The following CD302 variants were observed in gnomAD, a reference collection of about 807,000 sequenced individuals.
CD302 encodes the protein CD302 antigen.
Under a neutral mutation model 26.5 loss-of-function variants are expected in CD302, and 23 were observed. That is an observed-to-expected ratio of 0.87 (90% CI 0.62 to 1.23). The LOEUF is 1.23. Among genes scored for constraint, CD302 ranks in the 50% most tolerant of loss-of-function variants. CD302 has a pLI of 0.00. For missense variants in CD302, 290 were observed against 275.5 expected, an observed-to-expected ratio of 1.05 and a Z score of -0.37; for synonymous variants, 90 against 99.4, an observed-to-expected ratio of 0.91 and a Z score of 0.56.
At chr2:159,777,242 C>T (rs1449559855) in intron 5 of CD302, among the ~76,000 whole-genome samples, 1 of 152,106 alleles carries the variant, frequency 6.6e-6, no homozygotes, top group African/African-American at 2.4e-5. Flanking sequence ...AAAGCCTTTT[C>T]ACAAAAGATA....
chr2:159,775,472 A>C (rs371431594), intron 5 of CD302, among the ~76,000 whole-genome samples: 228 of 152,340 alleles, frequency 1.5e-3, no homozygotes, highest in African/African-American at 5.1e-3. Flanking sequence ...GTAGCTTAAA[A>C]GTCATAGTTC....
chr2:159,776,030 T>TTTTTTTTTTTTTTTTTTTTA (rs55987429), intron 5 of CD302, among the ~76,000 whole-genome samples: 1 of 146,226 alleles, frequency 6.8e-6, no homozygotes, highest in African/African-American at 2.5e-5. Context: ...TTTTTTTTTT[T>TTTTTTTTTTTTTTTTTTTTA]AAAGTAGAGT....
Position 159,771,930 on chromosome 2 carries a change from G to C in CD302, c.620C>G (p.Thr207Ser), listed in dbSNP as rs1191970221. The change falls in exon 6 of 6, where the codon ACC becomes AGC. Residue 207 changes from threonine (T) to serine (S), a missense_variant. By Grantham distance (58) the Thr-to-Ser change is moderately conservative. Transcript: ENST00000259053. The part of the protein sequence containing the change: ...SDSRFTTVFS[T>S]APQSPYNEDC... ...TTCATTATAAGGTGATTGGGGTGCG[G>C]TTGAAAAAACTGTGGTGAAACGAGA... The C allele has an allele frequency of 1.2e-6, 2 of 1,613,850 alleles. No individual in the cohort carries two copies. The highest frequency in any genetic ancestry group is 1.7e-6 in the Non-Finnish European group (2 of 1,179,940).
At chr2:159,772,462 ATTTG>A (rs1014558258) in intron 5 of CD302, among the ~76,000 whole-genome samples, 2 of 152,076 alleles carry the variant, frequency 1.3e-5, no homozygotes, top group African/African-American at 4.8e-5. Context: ...GGGATTTAAG[ATTTG>A]TTTAACTGAA....
At chr2:159,777,845 T>C in intron 5 of CD302, 93 bp downstream of exon 5, 1 of 624,906 alleles carries the variant, frequency 1.6e-6, no homozygotes, top group East Asian at 5.6e-5. Context: ...TATTACATAA[T>C]TTTAAAAAGG....
In CD302 at chr2:159,770,423, G is replaced by GAT. The variant is rs1486911121; in HGVS notation, c.*1426_*1427dup. 1.3e-5 allele frequency: 2 copies of GAT among 152,134 alleles called. No homozygotes were observed. Among genetic ancestry groups the GAT allele is most frequent in the East Asian group, 3.9e-4 (2 of 5,194 alleles). 9.4% of individuals were successfully genotyped at this position (152,134 alleles called of 1,614,324 possible). A position where few individuals can be genotyped will look rare whatever the true frequency, so the allele number is the denominator to read the frequency against. On this transcript the variant is annotated 3_prime_UTR_variant, in exon 6 of 6. Coordinates refer to ENST00000259053, the MANE Select transcript of CD302 (RefSeq NM_014880.5). Reference sequence around the variant, plus strand: ...CATTAATGATAGTGCCATTAATTGTGATGAGTGTTTTCGATTCATGTGGTC... The same window carrying GAT: ...CATTAATGATAGTGCCATTAATTGTGATATGAGTGTTTTCGATTCATGTGGTC...
At chr2:159,776,697 ATT>A (rs753454427) in intron 5 of CD302, among the ~76,000 whole-genome samples, 11 of 114,612 alleles carry the variant, frequency 9.6e-5, no homozygotes, top group African/African-American at 1.4e-4. Context: ...CTCACATCCA[ATT>A]TTTTTTTTTT....
At chr2:159,782,117 A>G (rs1175806933) in intron 2 of CD302, among the ~76,000 whole-genome samples, 2 of 151,884 alleles carry the variant, frequency 1.3e-5, no homozygotes, top group Non-Finnish European at 1.5e-5. Context: ...AAATACAAAA[A>G]ATTAGCCAGG....
At chr2:159,777,735 A>G (rs1164565254) in intron 5 of CD302, among the ~76,000 whole-genome samples, 1 of 151,596 alleles carries the variant, frequency 6.6e-6, no homozygotes, top group Non-Finnish European at 1.5e-5. Flanking sequence ...TCCCGAGTAA[A>G]AGAAGCCAGA....
At chr2:159,780,318 G>T in intron 3 of CD302, 140 bp from the exon 4 acceptor site, 2 of 966,622 alleles carry the variant, frequency 2.1e-6, no homozygotes, top group Non-Finnish European at 1.5e-6. Context: ...TTAGAAGGAG[G>T]AATATATCCT....
Position 159,771,754 on chromosome 2 carries a change from G to A in CD302, c.*97C>T. The A allele has an allele frequency of 7.5e-7, 1 of 1,328,328 alleles. No individual in the cohort carries two copies. Among genetic ancestry groups the A allele is most frequent in the Non-Finnish European group, 1.0e-6 (1 of 960,216 alleles). The allele number at this position is 1,328,328 out of a possible 1,614,324, so 82.3% of individuals were successfully genotyped here. On this transcript the variant is annotated 3_prime_UTR_variant, in exon 6 of 6. Transcript: ENST00000259053. ...TACTGGAATAAGGAATACCATTAAA[G>A]CTCTAATATCCAATGTCAAGTTTTA...
chr2:159,787,462 G>C (rs1708698094), intron 1 of CD302, among the ~76,000 whole-genome samples: 1 of 151,306 alleles, frequency 6.6e-6, no homozygotes, highest in East Asian at 1.9e-4. Context: ...CTTTTAGCTT[G>C]TTAATTATAT....
rs537100673 is a variant in CD302 at position 159,798,071 on chromosome 2, G to A, written c.67+61C>T. The stretch of plus-strand genomic sequence containing the variant: ...GGGTGCGCGGGGACGAAGAGCGTGC[G>A]TTGGGAAGGGGGCGAAGGCGGTCGC... On this transcript the variant is annotated intron_variant, in intron 1 of 5. Transcript: ENST00000259053. 2.3e-3 allele frequency: 3,382 copies of A among 1,447,206 alleles called. 10 individuals carry two copies. The highest frequency in any genetic ancestry group is 3.1e-3 in the Admixed American group (140 of 45,320). 89.6% of individuals were successfully genotyped at this position (1,447,206 alleles called of 1,614,324 possible).
At chr2:159,778,704 C>CT (rs1708413406) in intron 4 of CD302, among the ~76,000 whole-genome samples, 1 of 152,072 alleles carries the variant, frequency 6.6e-6, no homozygotes, top group Non-Finnish European at 1.5e-5. Flanking sequence ...ATTAAAAAAA[C>CT]TAAAAACTTT....
At chr2:159,784,641 C>T (rs1708617607) in intron 1 of CD302, among the ~76,000 whole-genome samples, 1 of 152,060 alleles carries the variant, frequency 6.6e-6, no homozygotes, top group Admixed American at 6.6e-5. Context: ...CAGGTGTGAG[C>T]CACCACGCCA....
At chr2:159,776,359 T>C (rs1292060307) in intron 5 of CD302, among the ~76,000 whole-genome samples, 1 of 152,164 alleles carries the variant, frequency 6.6e-6, no homozygotes, top group Admixed American at 6.5e-5. Context: ...TACACAAATA[T>C]CAAACAGATG....
intron 1 of CD302, among the ~76,000 whole-genome samples, chr2:159,795,766 A>T (rs904192905): frequency 2.0e-5 from 3 of 152,184 alleles, no homozygotes; most frequent in Admixed American, 2.0e-4. Flanking sequence ...GTGGTAAGAG[A>T]TGACATCAGG....
At chr2:159,780,824 T>A (rs1313239531) in intron 3 of CD302, 58 bp downstream of exon 3, 1 of 1,490,450 alleles carries the variant, frequency 6.7e-7, no homozygotes, top group Admixed American at 1.8e-5. Context: ...AGCCATCAGT[T>A]TTGCTACATT....
chr2:159,775,949 C>A (rs1400719889), intron 5 of CD302, among the ~76,000 whole-genome samples: 5 of 146,554 alleles, frequency 3.4e-5, no homozygotes, highest in Non-Finnish European at 7.5e-5. Context: ...TGCTCTGTCT[C>A]GCCCAGGCTG....
Sources: gnomAD v4.1 joint callset for allele counts (sites outside exome capture counted in the v4.1 genomes callset) on GRCh38, gnomAD v4.1.1 for gene constraint, MANE v1.5 for transcripts, NCBI Gene and HGNC (gene_info 2026-07-23, HGNC 2026-07-21) for gene names.